The following LYRM4 variants were observed in gnomAD, a reference collection of about 807,000 sequenced individuals.
LYRM4 encodes the protein LYR motif-containing protein 4.
A neutral mutation model predicts 11.7 loss-of-function variants in LYRM4; 9 were observed. The ratio of observed to expected loss-of-function variants is 0.77; its 90% CI spans 0.46 to 1.34. The LOEUF is 1.34. Ranked by LOEUF, LYRM4 falls within the 40% of genes most tolerant of loss-of-function variation. The pLI, the probability that LYRM4 is intolerant of heterozygous loss-of-function variation, is 0.00. For synonymous variants in LYRM4, 42 were observed against 40.4 expected (o/e 1.04, Z -0.15); for missense variants, 133 against 112.5 (o/e 1.18, Z -0.82).
chr6:5,174,093 G>A (rs761754807), intron 2 of LYRM4, among the ~76,000 whole-genome samples: 3 of 152,054 alleles, frequency 2.0e-5, no homozygotes, highest in African/African-American at 4.8e-5. Context: ...CCTCCTCTTC[G>A]CTCTCTCAGT....
At chr6:5,222,576 G>A (rs1762640493) in intron 1 of LYRM4, among the ~76,000 whole-genome samples, 1 of 152,084 alleles carries the variant, frequency 6.6e-6, no homozygotes, top group Non-Finnish European at 1.5e-5. Flanking sequence ...GTAATGGAGT[G>A]GTCCTTCTCT....
intron 2 of LYRM4, among the ~76,000 whole-genome samples, chr6:5,160,416 G>A (rs970171437): frequency 1.8e-4 from 28 of 152,142 alleles, no homozygotes; most frequent in African/African-American, 6.5e-4. Context: ...TGTGGTGGGA[G>A]GGACCTGGTG....
chr6:5,061,862 C>A, the LYRM4 span, among the ~76,000 whole-genome samples: 2 of 152,064 alleles, frequency 1.3e-5, no homozygotes, highest in Admixed American at 1.3e-4. Context: ...ATATTTATGC[C>A]ATAATTGAGA....
At chr6:5,066,513 C>A in the LYRM4 span, 1 of 795,794 alleles carries the variant, frequency 1.3e-6, no homozygotes, top group South Asian at 1.3e-5. Flanking sequence ...TCCACCACTT[C>A]TAGGATCTAT....
chr6:5,234,708 C>T (rs1249874162), intron 1 of LYRM4, among the ~76,000 whole-genome samples: 1 of 151,448 alleles, frequency 6.6e-6, no homozygotes, highest in Non-Finnish European at 1.5e-5. Flanking sequence ...AGAAGGAATA[C>T]AAAGTTTTGG....
At chr6:5,120,492 T>G in intron 2 of LYRM4, among the ~76,000 whole-genome samples, 1 of 152,168 alleles carries the variant, frequency 6.6e-6, no homozygotes, top group East Asian at 1.9e-4. Context: ...ACCCAAAAAG[T>G]GAGCAGCAGC....
In LYRM4 at chr6:5,206,811, G is replaced by A. The variant is rs151311759; in HGVS notation, c.207+9807C>T. Among the ~76,000 whole-genome samples, 3 of 152,092 alleles carry A rather than the reference G, an allele frequency of 2.0e-5. No individual in the cohort carries two copies. In the East Asian group the frequency reaches 5.8e-4, roughly 29 times the overall value. On this transcript the variant is annotated intron_variant, in intron 2 of 2. Transcript: ENST00000330636. ...ACTAGCATTATTTAATCAAACTAAGGGCATTCTGGTACCACATTTTAGAGA... is the reference window on the plus strand; with the variant it reads ...ACTAGCATTATTTAATCAAACTAAGAGCATTCTGGTACCACATTTTAGAGA...
chr6:5,217,588 C>A (rs767144301), intron 1 of LYRM4, among the ~76,000 whole-genome samples: 8 of 152,242 alleles, frequency 5.3e-5, no homozygotes, highest in Non-Finnish European at 8.8e-5. Flanking sequence ...TGGAATTTGG[C>A]CCAAAGCCTG....
At chr6:5,150,948 C>T (rs911270255) in intron 2 of LYRM4, among the ~76,000 whole-genome samples, 2 of 152,128 alleles carry the variant, frequency 1.3e-5, no homozygotes, top group Non-Finnish European at 2.9e-5. Flanking sequence ...TTTTAATCTT[C>T]AATTCAAGCC....
chr6:5,053,912 G>T, the LYRM4 span, among the ~76,000 whole-genome samples: 1 of 152,152 alleles, frequency 6.6e-6, no homozygotes, highest in Non-Finnish European at 1.5e-5. Flanking sequence ...CCCAAAACAG[G>T]TAAAGAGGCT....
chr6:5,046,434 A>AT, the LYRM4 span, among the ~76,000 whole-genome samples: 2 of 151,914 alleles, frequency 1.3e-5, no homozygotes, highest in African/African-American at 4.8e-5. Flanking sequence ...ATATTCCACT[A>AT]TTTTTTATCA....
the LYRM4 span, among the ~76,000 whole-genome samples, chr6:5,070,869 GA>G: frequency 0.11 from 5,099 of 48,060 alleles, 166 homozygotes; most frequent in African/African-American, 0.2. Context: ...ACCCTGTCTT[GA>G]AAAAAAAAAA....
intron 1 of LYRM4, among the ~76,000 whole-genome samples, chr6:5,224,672 T>C (rs1174330688): frequency 6.6e-6 from 1 of 152,226 alleles, no homozygotes; most frequent in East Asian, 1.9e-4. Flanking sequence ...TAAAAACAGA[T>C]GTTTCAGCCA....
chr6:5,232,697 A>C (rs980838848), intron 1 of LYRM4, among the ~76,000 whole-genome samples: 1 of 152,238 alleles, frequency 6.6e-6, no homozygotes, highest in African/African-American at 2.4e-5. Context: ...TTTTAGCACT[A>C]AAAACCTCAG....
At chr6:5,251,598 G>C (rs946824309) in intron 1 of LYRM4, among the ~76,000 whole-genome samples, 2 of 152,132 alleles carry the variant, frequency 1.3e-5, no homozygotes, top group Non-Finnish European at 2.9e-5. Flanking sequence ...TTATTGTGAG[G>C]ACAGTACCAA....
At chr6:5,147,844 A>G (rs1318612418) in intron 2 of LYRM4, among the ~76,000 whole-genome samples, 1 of 152,122 alleles carries the variant, frequency 6.6e-6, no homozygotes, top group Non-Finnish European at 1.5e-5. Flanking sequence ...AAGTAACAGT[A>G]TGGTACTTAT....
chr6:5,067,816 G>A, the LYRM4 span, among the ~76,000 whole-genome samples: 1 of 152,128 alleles, frequency 6.6e-6, no homozygotes, highest in East Asian at 1.9e-4. Context: ...CAAATCCCAT[G>A]CCAGTTTGTA....
chr6:5,188,104 T>A (rs1409595533), intron 2 of LYRM4, among the ~76,000 whole-genome samples: 1 of 152,212 alleles, frequency 6.6e-6, no homozygotes, highest in Admixed American at 6.5e-5. Context: ...ATCCCAACAC[T>A]TTGGGAGGCT....
chr6:5,243,384 G>C (rs1764000002), intron 1 of LYRM4, among the ~76,000 whole-genome samples: 1 of 152,180 alleles, frequency 6.6e-6, no homozygotes. Flanking sequence ...TCCTTTCTTA[G>C]GTACCAATAT....
Sources: allele counts gnomAD v4.1 joint callset (sites outside exome capture counted in the v4.1 genomes callset), GRCh38; gene constraint gnomAD v4.1.1; transcripts MANE v1.5; gene names NCBI Gene and HGNC (gene_info 2026-07-23, HGNC 2026-07-21).